The following TRIM2 variants were observed in gnomAD, a reference collection of about 807,000 sequenced individuals.
TRIM2 encodes the protein tripartite motif containing 2.
TRIM2 carries 20 observed loss-of-function variants against 75.2 expected under a neutral mutation model. That is an observed-to-expected ratio of 0.27 (90% CI 0.19 to 0.39). TRIM2 has a LOEUF of 0.39. Among genes scored for constraint, TRIM2 ranks in the 10% least tolerant of loss-of-function variants. TRIM2 has a pLI of 1.00. For missense variants in TRIM2, 660 were observed against 990.8 expected, an observed-to-expected ratio of 0.67 and a Z score of 4.48; for synonymous variants, 373 against 388.3, an observed-to-expected ratio of 0.96 and a Z score of 0.46.
At chr4:153,246,501 A>G (rs1749181930) in intron 1 of TRIM2, among the ~76,000 whole-genome samples, 1 of 152,200 alleles carries the variant, frequency 6.6e-6, no homozygotes, top group South Asian at 2.1e-4. Flanking sequence ...AAGTAATTTA[A>G]TTTAGTTTAT....
intron 1 of TRIM2, among the ~76,000 whole-genome samples, chr4:153,214,581 C>G (rs1737984682): frequency 6.6e-6 from 1 of 152,240 alleles, no homozygotes; most frequent in African/African-American, 2.4e-5. Flanking sequence ...CGTTCCACAT[C>G]ATTTTCATCA....
upstream of TRIM2, chr4:153,204,410 G>A (rs1734820307): frequency 2.6e-6 from 3 of 1,175,654 alleles, no homozygotes; most frequent in Non-Finnish European, 3.7e-6. Flanking sequence ...CTGACTAGCT[G>A]TTTATATTTT....
At chr4:153,250,165 A>C (rs1750513737) in intron 1 of TRIM2, among the ~76,000 whole-genome samples, 1 of 151,628 alleles carries the variant, frequency 6.6e-6, no homozygotes, top group South Asian at 2.1e-4. Context: ...TGTCACCCAG[A>C]CTGGAGTACA....
chr4:153,188,192 G>T (rs1732808454), intron 1 of TRIM2, among the ~76,000 whole-genome samples: 2 of 152,324 alleles, frequency 1.3e-5, no homozygotes, highest in South Asian at 4.1e-4. Flanking sequence ...AGGCGCGGTG[G>T]CTCACGCCTG....
At chr4:153,172,140 AAT>A (rs1491549819) in intron 1 of TRIM2, among the ~76,000 whole-genome samples, 12 of 30,150 alleles carry the variant, frequency 4.0e-4, no homozygotes, top group African/African-American at 1.7e-3. Flanking sequence ...TTATGATAGT[AAT>A]TTTTTTTTTT....
chr4:153,261,654 A>G (rs1432359354), intron 1 of TRIM2, among the ~76,000 whole-genome samples: 1 of 152,166 alleles, frequency 6.6e-6, no homozygotes, highest in Non-Finnish European at 1.5e-5. Context: ...CAACAGGCAA[A>G]CAAGATTTTG....
intron 3 of TRIM2, among the ~76,000 whole-genome samples, chr4:153,287,469 T>C (rs1760912439): frequency 6.6e-6 from 1 of 152,232 alleles, no homozygotes; most frequent in Non-Finnish European, 1.5e-5. Flanking sequence ...CATTTACTAT[T>C]CTTTTTCTGT....
At chr4:153,247,699 A>C (rs955248287) in intron 1 of TRIM2, among the ~76,000 whole-genome samples, 1 of 146,376 alleles carries the variant, frequency 6.8e-6, no homozygotes, top group East Asian at 1.9e-4. Flanking sequence ...AAAAAAAAAA[A>C]AACTGTATAG....
chr4:153,173,278 A>G (rs1731063891), intron 1 of TRIM2, among the ~76,000 whole-genome samples: 2 of 152,012 alleles, frequency 1.3e-5, no homozygotes, highest in South Asian at 2.1e-4. Context: ...TGTAATCCCA[A>G]CGCTTTGGGG....
intron 1 of TRIM2, among the ~76,000 whole-genome samples, chr4:153,222,062 A>AAGGAGGGAGGGAGCGAGGG (rs1553966652): frequency 6.8e-6 from 1 of 147,806 alleles, no homozygotes; most frequent in African/African-American, 2.5e-5. Context: ...GGGAGGAAGG[A>AAGGAGGGAGGGAGCGAGGG]AGGAAGGAAA....
chr4:153,337,109 C>A lies in TRIM2; in HGVS notation c.*2143C>A, dbSNP rs920107079. ...GGAATTTCATTTTGCCACGTACTAA[C>A]GTTCTGCACAAAAGACAGGCTAGAC... On this transcript the variant is annotated 3_prime_UTR_variant, in exon 12 of 12. Coordinates refer to ENST00000338700, the MANE Select transcript of TRIM2 (RefSeq NM_015271.5). 4.3e-5 allele frequency: 42 copies of A among 985,282 alleles called. No homozygotes were observed. Among genetic ancestry groups the A allele is most frequent in the Non-Finnish European group, 4.9e-5 (41 of 829,934 alleles). The allele number at this position is 985,282 out of a possible 1,614,324, so 61.0% of individuals were successfully genotyped here. A position where few individuals can be genotyped will look rare whatever the true frequency, so the allele number is the denominator to read the frequency against.
intron 1 of TRIM2, chr4:153,266,896 T>G (rs1026410267): frequency 2.7e-4 from 36 of 133,082 alleles, no homozygotes; most frequent in African/African-American, 1.1e-3. Context: ...TTTCTGGGTT[T>G]TTTTTTTTTT....
intron 1 of TRIM2, among the ~76,000 whole-genome samples, chr4:153,174,927 A>G (rs1381210528): frequency 6.6e-6 from 1 of 152,204 alleles, no homozygotes; most frequent in African/African-American, 2.4e-5. Flanking sequence ...GGCTGCTTCC[A>G]TTCGGGAGGC....
At position 153,335,077 on chromosome 4, in the gene TRIM2, G is replaced by T; in HGVS notation, c.*111G>T. 6 of 1,335,664 alleles carry T rather than the reference G, an allele frequency of 4.5e-6. No individual in the cohort carries two copies. The highest frequency in any genetic ancestry group is 5.8e-6 in the Non-Finnish European group (6 of 1,033,138). 82.7% of individuals were successfully genotyped at this position (1,335,664 alleles called of 1,614,324 possible). A position where few individuals can be genotyped will look rare whatever the true frequency, so the allele number is the denominator to read the frequency against. On this transcript the variant is annotated 3_prime_UTR_variant, in exon 12 of 12. Coordinates refer to ENST00000338700, the MANE Select transcript of TRIM2 (RefSeq NM_015271.5). ...GTTTTTATGCCAGAAGGAATCATTGGTGAACTTTCCAAGGTTATTTCTGAA... is the reference window on the plus strand; with the variant it reads ...GTTTTTATGCCAGAAGGAATCATTGTTGAACTTTCCAAGGTTATTTCTGAA...
chr4:153,190,192 T>C (rs1276632201), intron 1 of TRIM2, among the ~76,000 whole-genome samples: 1 of 151,944 alleles, frequency 6.6e-6, no homozygotes, highest in Non-Finnish European at 1.5e-5. Context: ...GTTTTTCTGC[T>C]AGAAAGGAAG....
chr4:153,292,769 G>A (rs1280621911), intron 3 of TRIM2, among the ~76,000 whole-genome samples: 1 of 152,200 alleles, frequency 6.6e-6, no homozygotes, highest in Non-Finnish European at 1.5e-5. Context: ...CTGGTTTTAT[G>A]GTTATAGAAG....
intron 1 of TRIM2, among the ~76,000 whole-genome samples, chr4:153,157,516 T>G (rs1192336087): frequency 2.0e-5 from 3 of 152,120 alleles, no homozygotes; most frequent in Non-Finnish European, 4.4e-5. Flanking sequence ...ATATGTTTCT[T>G]GGAGGAGCAG....
Position 153,186,860 on chromosome 4 carries a change from C to G in TRIM2, c.-49+33590C>G, listed in dbSNP as rs182340877. ...AGCTCTACCTGTGTGGGGAAGCCAG[C>G]CTAAAGGGAGAACAGATTGTCAGAA... On this transcript the variant is annotated intron_variant, in intron 1 of 11. Transcript: ENST00000437508. Among the ~76,000 whole-genome samples, 5 of 152,154 alleles carry G rather than the reference C, an allele frequency of 3.3e-5. No homozygotes were observed. In the East Asian group the frequency reaches 9.7e-4, roughly 29 times the overall value.
intron 1 of TRIM2, among the ~76,000 whole-genome samples, chr4:153,205,565 G>A (rs1252585086): frequency 1.3e-5 from 2 of 152,142 alleles, no homozygotes; most frequent in African/African-American, 2.4e-5. Context: ...TTTCTGGTGA[G>A]CCCCGTGGTG....
Sources: allele counts gnomAD v4.1 joint callset (sites outside exome capture counted in the v4.1 genomes callset), GRCh38; gene constraint gnomAD v4.1.1; transcripts MANE v1.5; gene names NCBI Gene and HGNC (gene_info 2026-07-23, HGNC 2026-07-21).